GTF2IRD1: variants seen among roughly 807,000 people sequenced by gnomAD.
GTF2IRD1 encodes the protein GTF2I repeat domain containing 1.
GTF2IRD1 carries 26 observed loss-of-function variants against 113.2 expected under a neutral mutation model. The ratio of observed to expected loss-of-function variants is 0.23; its 90% CI spans 0.17 to 0.32. The LOEUF (loss-of-function observed/expected upper bound fraction) is 0.32. Ranked by LOEUF, GTF2IRD1 falls within the 10% of genes least tolerant of loss-of-function variation. GTF2IRD1 has a pLI of 1.00. For synonymous variants in GTF2IRD1, 484 were observed against 529.1 expected, an observed-to-expected ratio of 0.91 and a Z score of 1.17; for missense variants, 864 against 1,280.8, an observed-to-expected ratio of 0.67 and a Z score of 4.97.
At chr7:74,570,784 G>A (rs1454284496) in intron 22 of GTF2IRD1, among the ~76,000 whole-genome samples, 12 of 152,180 alleles carry the variant, frequency 7.9e-5, no homozygotes, top group African/African-American at 1.9e-4. Context: ...TAGAGAGGCC[G>A]CTTCCTATAG....
chr7:74,501,255 G>A (rs1554339412), intron 1 of GTF2IRD1, among the ~76,000 whole-genome samples: 1 of 152,190 alleles, frequency 6.6e-6, no homozygotes, highest in Non-Finnish European at 1.5e-5. Context: ...CATTCCACGG[G>A]GGAAGGGGCT....
intron 15 of GTF2IRD1, 79 bp downstream of exon 15, chr7:74,544,881 C>T: frequency 8.6e-7 from 1 of 1,163,378 alleles, no homozygotes; most frequent in African/African-American, 1.5e-5. Context: ...CTCCCCTTGG[C>T]CTCTGGGTCT....
intron 1 of GTF2IRD1, among the ~76,000 whole-genome samples, chr7:74,480,779 C>T (rs886402698): frequency 1.6e-4 from 24 of 152,144 alleles, no homozygotes; most frequent in Non-Finnish European, 1.5e-4. Flanking sequence ...CCCCGGGGGA[C>T]GGGAGAGAAA....
chr7:74,503,248 C>T (rs550378480), intron 1 of GTF2IRD1, among the ~76,000 whole-genome samples: 1 of 152,130 alleles, frequency 6.6e-6, no homozygotes, highest in Admixed American at 6.5e-5. Context: ...GGAGCCCGGG[C>T]ACTGAACAGC....
At chr7:74,497,748 C>T (rs372633183) in intron 1 of GTF2IRD1, among the ~76,000 whole-genome samples, 12 of 152,050 alleles carry the variant, frequency 7.9e-5, no homozygotes, top group South Asian at 6.2e-4. Flanking sequence ...CTTGTTGCCC[C>T]GCCTGGAGTG....
At chr7:74,507,822 G>C (rs1460320638) in intron 1 of GTF2IRD1, 1 of 436,262 alleles carries the variant, frequency 2.3e-6, no homozygotes, top group Non-Finnish European at 4.1e-6. Flanking sequence ...ACTGGTCCTG[G>C]TGCTGGGCTC....
chr7:74,544,914 C>G, intron 15 of GTF2IRD1, 112 bp downstream of exon 15: 1 of 756,960 alleles, frequency 1.3e-6, no homozygotes, highest in Non-Finnish European at 2.3e-6. Flanking sequence ...CACCTCATCT[C>G]TCTCCAGCAC....
In GTF2IRD1 at chr7:74,538,693, G is replaced by A; in HGVS notation, c.1461G>A (p.Glu487=). Residue 487 remains glutamate (E), a synonymous_variant, in exon 13 of 27, where the codon GAG becomes GAA. Coordinates refer to ENST00000424337, the MANE Select transcript of GTF2IRD1 (RefSeq NM_005685.4). ...SEDCGPGTSG[E]LGGLRPIKIE... is the part of the protein sequence containing the mutation. ...TCCTCCTTGCAGGAACCTCCGGGGA[G>A]CTGGGCGGGCTGAGGCCGATCAAAA... is the stretch of plus-strand genomic sequence containing the variant. 1 of 1,599,850 alleles carries A rather than the reference G, an allele frequency of 6.3e-7. No homozygotes were observed. Among genetic ancestry groups the A allele is most frequent in the Non-Finnish European group, 8.6e-7 (1 of 1,166,908 alleles).
chr7:74,595,759 G>A (rs1203305295), intron 25 of GTF2IRD1, among the ~76,000 whole-genome samples: 3 of 152,188 alleles, frequency 2.0e-5, no homozygotes, highest in Admixed American at 2.0e-4. Flanking sequence ...AGTGTATGAG[G>A]TCAGCTGGAA....
At chr7:74,474,338 C>T (rs550719867) in intron 1 of GTF2IRD1, among the ~76,000 whole-genome samples, 1 of 152,224 alleles carries the variant, frequency 6.6e-6, no homozygotes, top group Non-Finnish European at 1.5e-5. Flanking sequence ...CACTGTAGCC[C>T]CCCTGGTGGG....
chr7:74,485,260 A>G (rs1039316404), intron 1 of GTF2IRD1, among the ~76,000 whole-genome samples: 1 of 152,176 alleles, frequency 6.6e-6, no homozygotes, highest in African/African-American at 2.4e-5. Context: ...CACTTTCCTC[A>G]ATGGCCAGGA....
chr7:74,514,649 G>A (rs1554344055), intron 3 of GTF2IRD1, among the ~76,000 whole-genome samples: 3 of 151,872 alleles, frequency 2.0e-5, no homozygotes, highest in African/African-American at 4.8e-5. Flanking sequence ...GCATGAACCT[G>A]CTGTTTGCAA....
Position 74,589,942 on chromosome 7 carries a change from G to C in GTF2IRD1, c.2398+14G>C. The C allele has an allele frequency of 6.4e-7, 1 of 1,568,334 alleles. No homozygotes were observed. The highest frequency in any genetic ancestry group is 8.8e-7 in the Non-Finnish European group (1 of 1,138,740). On this transcript the variant is annotated intron_variant, in intron 23 of 26. Coordinates refer to ENST00000424337, the MANE Select transcript of GTF2IRD1 (RefSeq NM_005685.4). ...ACGAGAAATACGGTCAGTGCCTGTG[G>C]TCAGGGTCAGCACACCAAGCCCTCC...
At chr7:74,539,999 G>T (rs1798541015) in intron 14 of GTF2IRD1, 31 bp downstream of exon 14, 6 of 1,497,482 alleles carry the variant, frequency 4.0e-6, no homozygotes, top group Non-Finnish European at 5.6e-6. Context: ...GGTGGTGCTT[G>T]GGACTCAGCT....
intron 22 of GTF2IRD1, among the ~76,000 whole-genome samples, chr7:74,561,169 T>C (rs1218213215): frequency 2.0e-5 from 3 of 151,150 alleles, no homozygotes. Context: ...ACCAACATGG[T>C]GAAACCCCAT....
intron 22 of GTF2IRD1, among the ~76,000 whole-genome samples, chr7:74,572,105 T>C (rs1170512341): frequency 6.6e-6 from 1 of 152,174 alleles, no homozygotes; most frequent in Admixed American, 6.6e-5. Context: ...CTGTGGGGTC[T>C]CCTGTCACCC....
chr7:74,502,429 G>A (rs920035585), intron 1 of GTF2IRD1, among the ~76,000 whole-genome samples: 2 of 152,184 alleles, frequency 1.3e-5, no homozygotes, highest in African/African-American at 4.8e-5. Context: ...GAATAGGCTC[G>A]CACCTGTTAG....
intron 22 of GTF2IRD1, among the ~76,000 whole-genome samples, chr7:74,580,797 C>A (rs1172162617): frequency 6.6e-6 from 1 of 152,148 alleles, no homozygotes; most frequent in Non-Finnish European, 1.5e-5. Context: ...GGGATGGGTT[C>A]TTTCAGCAGG....
intron 9 of GTF2IRD1, among the ~76,000 whole-genome samples, chr7:74,533,840 C>T (rs1798120498): frequency 6.6e-6 from 1 of 151,974 alleles, no homozygotes; most frequent in Admixed American, 6.6e-5. Context: ...TCAATGTGGA[C>T]AACACAGTAA....
Sources: allele counts gnomAD v4.1 joint callset (sites outside exome capture counted in the v4.1 genomes callset), GRCh38; gene constraint gnomAD v4.1.1; transcripts MANE v1.5; gene names NCBI Gene and HGNC (gene_info 2026-07-23, HGNC 2026-07-21).